EIF3H: variants seen among roughly 807,000 people sequenced by gnomAD.
EIF3H encodes the protein eIF-3-gamma.
In EIF3H, 26 loss-of-function variants were observed where a neutral mutation model predicts 44.2. That is an observed-to-expected ratio of 0.59 (90% confidence interval 0.43 to 0.82). EIF3H has a LOEUF of 0.82. Among genes scored for constraint, EIF3H ranks in the 40% least tolerant of loss-of-function variants. The pLI, the probability that EIF3H is intolerant of heterozygous loss-of-function variation, is 0.00. For synonymous variants in EIF3H, 166 were observed against 151.9 expected, an observed-to-expected ratio of 1.09 and a Z score of -0.68; for missense variants, 359 against 432.8, an observed-to-expected ratio of 0.83 and a Z score of 1.51.
rs887228147 is a variant in EIF3H at position 116,644,034 on chromosome 8, A to T, written c.*972T>A. The T allele has an allele frequency of 1.3e-5, 2 of 152,250 alleles. No individual in the cohort carries two copies. The highest frequency in any genetic ancestry group is 2.9e-5 in the Non-Finnish European group (2 of 68,044). 9.4% of individuals were successfully genotyped at this position (152,250 alleles called of 1,614,324 possible). ...TCATGGTTTCGGAAGACAAATGTGA[A>T]GTCCTAAATAATATAAACAAAATGA... On this transcript the variant is annotated 3_prime_UTR_variant, in exon 8 of 8. Coordinates refer to ENST00000521861, the MANE Select transcript of EIF3H (RefSeq NM_003756.3).
chr8:116,756,152 A>G (rs999591419), upstream of EIF3H: 2 of 766,850 alleles, frequency 2.6e-6, no homozygotes, highest in East Asian at 5.4e-5. Flanking sequence ...CTTGCAATGA[A>G]GTGCTGTACT....
chr8:116,726,352 T>C (rs16888705), intron 1 of EIF3H, among the ~76,000 whole-genome samples, 180 bp from the exon 2 acceptor site: 7,950 of 152,224 alleles, frequency 0.052, 692 homozygotes, highest in African/African-American at 0.18. Flanking sequence ...AAAGCTCACA[T>C]AATCTAAACG....
chr8:116,654,952 GATAA>G (rs777445558), intron 5 of EIF3H, among the ~76,000 whole-genome samples: 11 of 150,958 alleles, frequency 7.3e-5, no homozygotes, highest in Non-Finnish European at 1.6e-4. Flanking sequence ...CTAGAAATCT[GATAA>G]ATAATTTAGT....
Position 116,746,139 on chromosome 8 carries a change from G to A in EIF3H, c.132+9527C>T, listed in dbSNP as rs542675602. 1.1e-4 allele frequency among the ~76,000 whole-genome samples: 16 copies of A among 152,160 alleles called. No homozygotes were observed. The South Asian group carries it at 1.7e-3, about 16-fold the overall frequency. ...ATATTTACTAAATTGACTTCTTATA[G>A]CTACAAATCTTCTACAATATGACTG... On this transcript the variant is annotated intron_variant, in intron 1 of 7. Transcript: ENST00000521861.
At chr8:116,714,812 CAT>C (rs577703625) in intron 2 of EIF3H, among the ~76,000 whole-genome samples, 2 of 152,016 alleles carry the variant, frequency 1.3e-5, no homozygotes, top group Non-Finnish European at 2.9e-5. Flanking sequence ...TAAGTAAACA[CAT>C]GTCTATTCAC....
At chr8:116,669,088 A>G (rs970926553) in intron 2 of EIF3H, among the ~76,000 whole-genome samples, 2 of 152,194 alleles carry the variant, frequency 1.3e-5, no homozygotes, top group African/African-American at 4.8e-5. Flanking sequence ...CATTTCTAAC[A>G]TTCATGTCAT....
chr8:116,713,022 T>G (rs1300420482), intron 2 of EIF3H, among the ~76,000 whole-genome samples: 1 of 152,148 alleles, frequency 6.6e-6, no homozygotes. Context: ...GACATTTTAA[T>G]TAGTACTAAA....
In EIF3H at chr8:116,668,817, T is replaced by G. The variant is rs902185884; in HGVS notation, c.290-9837A>C. Among the ~76,000 whole-genome samples, 17 of 152,256 alleles carry G rather than the reference T, an allele frequency of 1.1e-4. No individual in the cohort carries two copies. In the East Asian group the frequency reaches 3.1e-3, roughly 28 times the overall value. On this transcript the variant is annotated intron_variant, in intron 2 of 7. Coordinates refer to ENST00000521861, the MANE Select transcript of EIF3H (RefSeq NM_003756.3). Reference sequence around the variant, plus strand: ...AAAATCATTTGCATCAAAAGCTTGGTGCACTGGAAACCTCAGGAAGAGCTC... The same window carrying G: ...AAAATCATTTGCATCAAAAGCTTGGGGCACTGGAAACCTCAGGAAGAGCTC...
At chr8:116,764,860 T>C (rs1003576642) in intron 1 of EIF3H, among the ~76,000 whole-genome samples, 5 of 152,154 alleles carry the variant, frequency 3.3e-5, no homozygotes, top group African/African-American at 1.2e-4. Context: ...TTATAGACCA[T>C]CTTCATGTTT....
At chr8:116,656,161 G>C (rs1001159448) in intron 4 of EIF3H, among the ~76,000 whole-genome samples, 156 bp from the exon 5 acceptor site, 5 of 151,608 alleles carry the variant, frequency 3.3e-5, no homozygotes, top group African/African-American at 1.2e-4. Context: ...GAGTTTTACA[G>C]AGTCAAGCAT....
At chr8:116,679,463 C>T (rs1586451109) in intron 2 of EIF3H, among the ~76,000 whole-genome samples, 2 of 33,566 alleles carry the variant, frequency 6.0e-5, no homozygotes, top group African/African-American at 1.5e-4. Flanking sequence ...TGAGGGGCGC[C>T]TCTGCCCGGC....
intron 2 of EIF3H, among the ~76,000 whole-genome samples, chr8:116,702,985 G>A (rs1403212951): frequency 1.3e-5 from 2 of 152,110 alleles, no homozygotes; most frequent in Non-Finnish European, 2.9e-5. Context: ...CCTCACATGC[G>A]CAGCTCACAA....
intron 2 of EIF3H, among the ~76,000 whole-genome samples, chr8:116,720,274 C>A (rs1323943147): frequency 1.3e-5 from 2 of 151,840 alleles, no homozygotes; most frequent in Non-Finnish European, 2.9e-5. Flanking sequence ...TTAAAAACTT[C>A]AATTGTTGTA....
At chr8:116,743,815 C>A (rs1358492806) in intron 1 of EIF3H, among the ~76,000 whole-genome samples, 1 of 121,520 alleles carries the variant, frequency 8.2e-6, no homozygotes, top group Non-Finnish European at 1.7e-5. Context: ...CACACACACA[C>A]ACACACACAC....
chr8:116,716,198 C>T (rs1417434029), intron 2 of EIF3H, among the ~76,000 whole-genome samples: 1 of 152,002 alleles, frequency 6.6e-6, no homozygotes, highest in Non-Finnish European at 1.5e-5. Flanking sequence ...TAAAAAGATA[C>T]TAGAGTCAGA....
intron 1 of EIF3H, among the ~76,000 whole-genome samples, chr8:116,745,076 T>C (rs940611298): frequency 3.3e-5 from 5 of 152,140 alleles, no homozygotes; most frequent in African/African-American, 1.2e-4. Context: ...AAGCAAAAGG[T>C]GACAAGAAGG....
Position 116,751,947 on chromosome 8 carries a change from G to C in EIF3H, c.132+3719C>G, listed in dbSNP as rs1259653532. Reference sequence around the variant, plus strand: ...TCCAAGCAGTCTGGCTCCAGAGCATGTACTTTTATCAACTTCGTTACACTA... The same window carrying C: ...TCCAAGCAGTCTGGCTCCAGAGCATCTACTTTTATCAACTTCGTTACACTA... On this transcript the variant is annotated intron_variant, in intron 1 of 7. Transcript: ENST00000521861. Among the ~76,000 whole-genome samples the C allele has an allele frequency of 2.0e-5, 3 of 152,256 alleles. No individual in the cohort carries two copies. The East Asian group carries it at 5.8e-4, about 29-fold the overall frequency.
At chr8:116,670,194 G>C (rs953202942) in intron 2 of EIF3H, among the ~76,000 whole-genome samples, 3 of 152,166 alleles carry the variant, frequency 2.0e-5, no homozygotes, top group Admixed American at 6.5e-5. Flanking sequence ...TCTCAAAGGG[G>C]CTCAAGATCT....
At chr8:116,656,434 C>A (rs1357335118) in intron 4 of EIF3H, among the ~76,000 whole-genome samples, 2 of 152,110 alleles carry the variant, frequency 1.3e-5, no homozygotes, top group African/African-American at 2.4e-5. Flanking sequence ...TAACAAGTAG[C>A]AGAACACAAG....
Sources: gnomAD v4.1 joint callset for allele counts (sites outside exome capture counted in the v4.1 genomes callset) on GRCh38, gnomAD v4.1.1 for gene constraint, MANE v1.5 for transcripts, NCBI Gene and HGNC (gene_info 2026-07-23, HGNC 2026-07-21) for gene names.